PDS5B: variants seen among roughly 807,000 people sequenced by gnomAD.
PDS5B encodes sister chromatid cohesion protein PDS5 homolog B.
Under a neutral mutation model 184.1 loss-of-function variants are expected in PDS5B, and 51 were observed. That is an observed-to-expected ratio of 0.28 (90% CI 0.22 to 0.35). The LOEUF (loss-of-function observed/expected upper bound fraction) is 0.35, where lower values mean the gene tolerates loss of function less well. Among genes scored for constraint, PDS5B ranks in the 10% least tolerant of loss-of-function variants. The probability of loss-of-function intolerance (pLI) is 1.00; values close to 1 mark genes in which losing one functional copy is unlikely to be tolerated. For synonymous variants in PDS5B, 566 were observed against 569.2 expected (o/e 0.99, Z 0.08); for missense variants, 1,180 against 1,723.3 (o/e 0.68, Z 5.58).
chr13:32,640,075 A>G (rs1593311414), intron 1 of PDS5B, among the ~76,000 whole-genome samples: 1 of 152,206 alleles, frequency 6.6e-6, no homozygotes, highest in Admixed American at 6.5e-5. Flanking sequence ...ATTTTTTACT[A>G]CAGTCTCTTG....
At chr13:32,742,016 G>A (rs887250422) in intron 22 of PDS5B, among the ~76,000 whole-genome samples, 2 of 152,032 alleles carry the variant, frequency 1.3e-5, no homozygotes, top group Non-Finnish European at 2.9e-5. Flanking sequence ...GAGATCTTCC[G>A]TCTTTGCCGT....
intron 1 of PDS5B, among the ~76,000 whole-genome samples, chr13:32,646,510 G>C (rs1427639980): frequency 6.6e-6 from 1 of 150,694 alleles, no homozygotes; most frequent in South Asian, 2.1e-4. Flanking sequence ...TATGTCTTAC[G>C]GTGGACAAAC....
intron 24 of PDS5B, among the ~76,000 whole-genome samples, chr13:32,750,885 G>T (rs1448826719): frequency 6.9e-6 from 1 of 145,092 alleles, no homozygotes; most frequent in Non-Finnish European, 1.5e-5. Context: ...GTGTGTGTGT[G>T]TGTTTTAAAC....
At chr13:32,664,045 T>C (rs1566300406) in intron 6 of PDS5B, among the ~76,000 whole-genome samples, 1 of 152,210 alleles carries the variant, frequency 6.6e-6, no homozygotes, top group Non-Finnish European at 1.5e-5. Context: ...GCAAAAGACA[T>C]TATTTCATTC....
chr13:32,614,297 A>T (rs951272431), intron 1 of PDS5B, among the ~76,000 whole-genome samples: 2 of 136,984 alleles, frequency 1.5e-5, no homozygotes, highest in African/African-American at 5.3e-5. Context: ...TCACATTGGA[A>T]TTTTTTTTTT....
At chr13:32,729,734 A>G (rs949318027) in intron 19 of PDS5B, among the ~76,000 whole-genome samples, 1 of 152,144 alleles carries the variant, frequency 6.6e-6, no homozygotes, top group Non-Finnish European at 1.5e-5. Context: ...TGTTGGCCAT[A>G]TAAATGTCTT....
intron 1 of PDS5B, among the ~76,000 whole-genome samples, chr13:32,587,223 C>T (rs572223144): frequency 5.3e-5 from 8 of 151,304 alleles, no homozygotes; most frequent in African/African-American, 1.9e-4. Flanking sequence ...GGCCAGGGGA[C>T]GGGCTGAGCG....
In PDS5B at chr13:32,679,638, C is replaced by CAA. The variant is rs781188988; in HGVS notation, c.1057+724_1057+725dup. ...TCAACAAGAGCGAAACTCTTTATCT[C>CAA]AAAAAAAAAAAAAAAATAAATAAAT... On this transcript the variant is annotated intron_variant, in intron 10 of 34. Coordinates refer to ENST00000315596, the MANE Select transcript of PDS5B (RefSeq NM_015032.4). Among the ~76,000 whole-genome samples the CAA allele has an allele frequency of 7.7e-5, 11 of 142,350 alleles. No individual in the cohort carries two copies. The South Asian group carries it at 9.1e-4, about 12-fold the overall frequency. The allele number at this position is 142,350 out of a possible 152,430, so 93.4% of individuals were successfully genotyped here.
rs546958877 is a variant in PDS5B at position 32,726,645 on chromosome 13, G to A, written c.2124-5456G>A. 1.0e-3 allele frequency among the ~76,000 whole-genome samples: 153 copies of A among 152,224 alleles called. 2 individuals carry two copies. The highest frequency in any genetic ancestry group is 4.5e-3 in the Admixed American group (69 of 15,278). ...TCTGGTCATCTTCCTTGTTCTGCAG[G>A]CTTTTGTGTCTGAGAATAGTGTAGC... On this transcript the variant is annotated intron_variant, in intron 19 of 34. Transcript: ENST00000315596.
chr13:32,731,934 ATATT>A (rs1953136778), intron 19 of PDS5B, among the ~76,000 whole-genome samples, 163 bp from the exon 20 acceptor site: 1 of 152,200 alleles, frequency 6.6e-6, no homozygotes, highest in Non-Finnish European at 1.5e-5. Flanking sequence ...TTTAATATAA[ATATT>A]TATAAAGCAA....
At position 32,676,540 on chromosome 13, in the gene PDS5B, C is replaced by T. The variant is rs571666057; in HGVS notation, c.962+581C>T. ...CCCTGACCTTGAAATATTAAAAGCC[C>T]GACAAGTGCCTTGGCCGAAACCCGC... On this transcript the variant is annotated intron_variant, in intron 9 of 34. Transcript: ENST00000315596. 2.2e-3 allele frequency among the ~76,000 whole-genome samples: 341 copies of T among 152,120 alleles called. 2 individuals are homozygous for T. Among genetic ancestry groups the T allele is most frequent in the African/African-American group, 7.9e-3 (327 of 41,498 alleles).
intron 24 of PDS5B, 44 bp from the exon 25 acceptor site, chr13:32,753,288 T>C (rs1219095869): frequency 1.3e-5 from 19 of 1,507,650 alleles, no homozygotes; most frequent in Non-Finnish European, 1.7e-5. Flanking sequence ...TTGTTACTCT[T>C]TGCTGCCATT....
At chr13:32,597,328 C>A (rs189436592) in intron 1 of PDS5B, among the ~76,000 whole-genome samples, 1 of 151,884 alleles carries the variant, frequency 6.6e-6, no homozygotes, top group African/African-American at 2.4e-5. Context: ...CAGGCATGAG[C>A]CAGTGTGCCT....
At position 32,648,889 on chromosome 13, in the gene PDS5B, AATTCT is replaced by A; in HGVS notation, c.108+15_108+19del. ...TGGTGAGACGATTAAAGGTGAGTAA[AATTCT>A]ATTCTTTTTTACATCTGTGTAGGGC... On this transcript the variant is annotated intron_variant, in intron 2 of 34. Coordinates refer to ENST00000315596, the MANE Select transcript of PDS5B (RefSeq NM_015032.4). The A allele has an allele frequency of 1.7e-6, 2 of 1,174,000 alleles. No individual in the cohort carries two copies. Among genetic ancestry groups the A allele is most frequent in the Non-Finnish European group, 2.6e-6 (2 of 778,490 alleles). 72.7% of individuals were successfully genotyped at this position (1,174,000 alleles called of 1,614,324 possible).
At chr13:32,675,178 T>G (rs139194173) in intron 8 of PDS5B, among the ~76,000 whole-genome samples, 1 of 152,298 alleles carries the variant, frequency 6.6e-6, no homozygotes, top group East Asian at 1.9e-4. Context: ...TCCCACACTT[T>G]ATGTTCAAGT....
chr13:32,752,483 A>G (rs2140996810), intron 24 of PDS5B, among the ~76,000 whole-genome samples: 1 of 152,284 alleles, frequency 6.6e-6, no homozygotes, highest in Non-Finnish European at 1.5e-5. Context: ...AGATAAAAAC[A>G]TAATTCTTTT....
In PDS5B at chr13:32,775,319, C is replaced by A; in HGVS notation, c.*267C>A. 1 of 434,878 alleles carries A rather than the reference C, an allele frequency of 2.3e-6. No homozygotes were observed. The highest frequency in any genetic ancestry group is 4.1e-6 in the Non-Finnish European group (1 of 244,204). The allele number at this position is 434,878 out of a possible 1,614,324, so 26.9% of individuals were successfully genotyped here. ...GAAGAAACTTGTAAATATCTTTTTT[C>A]TTTTTTTTAATGTTTCTGATTTCTG... On this transcript the variant is annotated 3_prime_UTR_variant, in exon 35 of 35. Transcript: ENST00000315596.
At chr13:32,696,764 G>C in intron 14 of PDS5B, 90 bp from the exon 15 acceptor site, 2 of 828,258 alleles carry the variant, frequency 2.4e-6, no homozygotes, top group South Asian at 1.4e-5. Context: ...GCAGCATTTA[G>C]TGGGTTATGC....
At chr13:32,587,485 A>G (rs1259780604) in intron 1 of PDS5B, among the ~76,000 whole-genome samples, 2 of 152,104 alleles carry the variant, frequency 1.3e-5, no homozygotes, top group Admixed American at 6.5e-5. Flanking sequence ...CCGGAGAAAA[A>G]CCTTGTTTGT....
Sources: allele counts gnomAD v4.1 joint callset (sites outside exome capture counted in the v4.1 genomes callset), GRCh38; gene constraint gnomAD v4.1.1; transcripts MANE v1.5; gene names NCBI Gene and HGNC (gene_info 2026-07-23, HGNC 2026-07-21).